ARID1B: variants seen among roughly 807,000 people sequenced by gnomAD.
ARID1B encodes the protein AT-rich interactive domain-containing protein 1B.
A neutral mutation model predicts 212.3 loss-of-function variants in ARID1B; 30 were observed. The ratio of observed to expected loss-of-function variants is 0.14; its 90% CI spans 0.11 to 0.19. The LOEUF is 0.19. ARID1B is among the 10% of genes least tolerant of loss of function. The pLI, the probability that ARID1B is intolerant of heterozygous loss-of-function variation, is 1.00. For missense variants in ARID1B, 2,891 were observed against 3,204.0 expected (o/e 0.90, Z 2.36); for synonymous variants, 1,402 against 1,301.7 (o/e 1.08, Z -1.66).
At chr6:156,948,402 G>A (rs955732716) in intron 4 of ARID1B, among the ~76,000 whole-genome samples, 15 of 152,072 alleles carry the variant, frequency 9.9e-5, no homozygotes, top group Admixed American at 2.0e-4. Flanking sequence ...TTATAGAGAT[G>A]GGGGGGCAGT....
At chr6:156,827,173 A>G (rs1007412610) in intron 1 of ARID1B, among the ~76,000 whole-genome samples, 1 of 152,034 alleles carries the variant, frequency 6.6e-6, no homozygotes, top group Non-Finnish European at 1.5e-5. Context: ...TTACTCCCCA[A>G]GCTGCAGCTC....
At chr6:156,983,753 A>G (rs1583077126) in intron 4 of ARID1B, among the ~76,000 whole-genome samples, 2 of 152,096 alleles carry the variant, frequency 1.3e-5, no homozygotes, top group African/African-American at 2.4e-5. Flanking sequence ...TTTGGTGTCT[A>G]CAATGGAAGA....
At chr6:156,812,610 T>C (rs1278423812) in intron 1 of ARID1B, among the ~76,000 whole-genome samples, 4 of 152,202 alleles carry the variant, frequency 2.6e-5, no homozygotes, top group Non-Finnish European at 5.9e-5. Flanking sequence ...TTAAACAATG[T>C]TGAATGAACA....
chr6:157,041,974 C>G lies in ARID1B; in HGVS notation c.2248-42688C>G, dbSNP rs538618073. On this transcript the variant is annotated intron_variant, in intron 4 of 19. Coordinates refer to ENST00000636930, the MANE Select transcript of ARID1B (RefSeq NM_001374828.1). ...CCTAATGGACTTCTTCCTTGGCACA[C>G]TCTCTTCCTGTGGCTTCCTCAGCAG... Among the ~76,000 whole-genome samples, 166 of 152,316 alleles carry G rather than the reference C, an allele frequency of 1.1e-3. 2 individuals carry two copies. Among genetic ancestry groups the G allele is most frequent in the African/African-American group, 3.9e-3 (161 of 41,582 alleles).
At chr6:157,039,869 T>C (rs1255528120) in intron 4 of ARID1B, among the ~76,000 whole-genome samples, 67 of 114,888 alleles carry the variant, frequency 5.8e-4, no homozygotes, top group Non-Finnish European at 6.4e-4. Context: ...TCTCTCTCTT[T>C]CTCTTTCTTT....
At chr6:157,043,386 A>G (rs936505199) in intron 4 of ARID1B, among the ~76,000 whole-genome samples, 2 of 152,092 alleles carry the variant, frequency 1.3e-5, no homozygotes, top group African/African-American at 4.8e-5. Flanking sequence ...AGAGCTCAAC[A>G]GTTCTCACTG....
At chr6:156,890,849 G>C (rs931117323) in intron 2 of ARID1B, among the ~76,000 whole-genome samples, 1 of 152,160 alleles carries the variant, frequency 6.6e-6, no homozygotes, top group African/African-American at 2.4e-5. Flanking sequence ...ATTTTTCAAG[G>C]GTGAAAGGTG....
At chr6:156,819,099 A>G (rs183140460) in intron 1 of ARID1B, among the ~76,000 whole-genome samples, 3 of 152,214 alleles carry the variant, frequency 2.0e-5, no homozygotes, top group Admixed American at 1.3e-4. Flanking sequence ...TCACAGAGCT[A>G]CAAGTGGTGG....
At chr6:157,138,056 A>C (rs1279947958) in intron 7 of ARID1B, among the ~76,000 whole-genome samples, 1 of 152,142 alleles carries the variant, frequency 6.6e-6, no homozygotes, top group Non-Finnish European at 1.5e-5. Context: ...ACACAGCAAT[A>C]CTCTTAAATT....
chr6:156,951,593 G>A (rs56330148), intron 4 of ARID1B, among the ~76,000 whole-genome samples: 4,349 of 151,882 alleles, frequency 0.029, 207 homozygotes, highest in African/African-American at 0.1. Flanking sequence ...ACAGGCGCCC[G>A]CCACCACGCC....
chr6:157,129,550 G>GTT (rs1788386945), intron 6 of ARID1B, among the ~76,000 whole-genome samples: 1 of 152,218 alleles, frequency 6.6e-6, no homozygotes, highest in Non-Finnish European at 1.5e-5. Flanking sequence ...TAGCTTTCAA[G>GTT]TTGTAATTTC....
intron 8 of ARID1B, chr6:157,151,690 A>G (rs767514956): frequency 5.9e-5 from 9 of 152,216 alleles, no homozygotes; most frequent in Non-Finnish European, 8.8e-5. Context: ...TAAAAAAAAT[A>G]ATTATTGCTA....
intron 1 of ARID1B, 130 bp downstream of exon 1, chr6:156,779,601 C>T (rs1779055597): frequency 3.0e-6 from 3 of 993,348 alleles, no homozygotes; most frequent in Non-Finnish European, 3.7e-6. Context: ...CGCCCAAAGC[C>T]ATCTTGACGG....
Position 157,184,359 on chromosome 6 carries a change from T to C in ARID1B, c.3843T>C (p.Arg1281=). 4 of 1,614,048 alleles carry C rather than the reference T, an allele frequency of 2.5e-6. No homozygotes were observed. The highest frequency in any genetic ancestry group is 3.4e-6 in the Non-Finnish European group (4 of 1,180,020). Residue 1281 remains arginine (R), a synonymous_variant, in exon 13 of 20, where the codon CGT becomes CGC. Transcript: ENST00000636930. The part of the protein sequence containing the change: ...YLFAFECKIE[R]GEEPPPEVFS... ...TTGCCTTTGAGTGCAAGATCGAACG[T>C]GGGGAGGAGCCCCCGCCGGAAGTCT...
chr6:156,800,966 C>A (rs1247158509), intron 1 of ARID1B, among the ~76,000 whole-genome samples: 1 of 152,190 alleles, frequency 6.6e-6, no homozygotes, highest in Non-Finnish European at 1.5e-5. Flanking sequence ...ATGTGCTCAG[C>A]AGCACAATCT....
chr6:156,816,297 G>A (rs773924916), intron 1 of ARID1B, among the ~76,000 whole-genome samples: 21 of 152,154 alleles, frequency 1.4e-4, no homozygotes, highest in Non-Finnish European at 2.6e-4. Context: ...ACTTATACTT[G>A]ACACAGCTAG....
At chr6:157,047,250 G>A (rs1354701076) in intron 4 of ARID1B, among the ~76,000 whole-genome samples, 2 of 152,180 alleles carry the variant, frequency 1.3e-5, no homozygotes, top group Non-Finnish European at 2.9e-5. Context: ...GGTATTAGGT[G>A]ATCACGAGAT....
At chr6:157,135,755 A>G (rs1051700984) in intron 7 of ARID1B, among the ~76,000 whole-genome samples, 1 of 152,180 alleles carries the variant, frequency 6.6e-6, no homozygotes, top group Non-Finnish European at 1.5e-5. Flanking sequence ...TGTCTTTGTT[A>G]TCCTTTTAGA....
intron 2 of ARID1B, among the ~76,000 whole-genome samples, chr6:156,899,346 C>G (rs1788741579): frequency 6.6e-6 from 1 of 152,234 alleles, no homozygotes; most frequent in Non-Finnish European, 1.5e-5. Flanking sequence ...GGACAGCTGA[C>G]CGGGTCCAGT....
Sources: allele counts gnomAD v4.1 joint callset (sites outside exome capture counted in the v4.1 genomes callset), GRCh38; gene constraint gnomAD v4.1.1; transcripts MANE v1.5; gene names NCBI Gene and HGNC (gene_info 2026-07-23, HGNC 2026-07-21).